Variants in CTBP2 observed in about 807,000 individuals in gnomAD.
CTBP2 encodes C-terminal binding protein 2.
A neutral mutation model predicts 80.3 loss-of-function variants in CTBP2; 30 were observed. The ratio of observed to expected loss-of-function variants is 0.37; its 90% CI spans 0.28 to 0.51. CTBP2 has a LOEUF of 0.51. CTBP2 is among the 20% of genes least tolerant of loss of function. The pLI, the probability that CTBP2 is intolerant of heterozygous loss-of-function variation, is 0.93. For synonymous variants in CTBP2, 594 were observed against 587.4 expected (o/e 1.01, Z -0.16); for missense variants, 1,212 against 1,375.3 (o/e 0.88, Z 1.88).
rs115668596 is a variant in CTBP2 at position 125,005,110 on chromosome 10, C to T, written c.1679-1618G>A. On this transcript the variant is annotated intron_variant, in intron 1 of 8. Coordinates refer to ENST00000309035, the MANE Select transcript of CTBP2 (RefSeq NM_022802.3). ...GACTGCATCCTGTTAAGACTATACA[C>T]GGTGCTGGGGAGGGACGGCCCAGAG... Among the ~76,000 whole-genome samples the T allele has an allele frequency of 8.7e-3, 1,329 of 152,338 alleles. 13 individuals are homozygous for T. Among genetic ancestry groups the T allele is most frequent in the East Asian group, 0.029 (148 of 5,182 alleles).
intron 1 of CTBP2, among the ~76,000 whole-genome samples, chr10:125,120,276 A>T (rs2136023163): frequency 6.6e-6 from 1 of 152,384 alleles, no homozygotes; most frequent in African/African-American, 2.4e-5. Context: ...GAGCAGGAAG[A>T]TGAGCAGGAA....
chr10:125,114,477 G>C (rs570526790), intron 1 of CTBP2, among the ~76,000 whole-genome samples: 1 of 152,102 alleles, frequency 6.6e-6, no homozygotes, highest in South Asian at 2.1e-4. Context: ...CCACATATAG[G>C]AAACTCACAA....
At chr10:125,129,998 A>G (rs2136118642) in intron 1 of CTBP2, among the ~76,000 whole-genome samples, 2 of 152,154 alleles carry the variant, frequency 1.3e-5, no homozygotes, top group Middle Eastern at 6.8e-3. Flanking sequence ...AGGGCTTGGA[A>G]GCAGGGCAAA....
At chr10:125,084,412 C>T (rs12761801) in intron 2 of CTBP2, among the ~76,000 whole-genome samples, 9,494 of 152,272 alleles carry the variant, frequency 0.062, 306 homozygotes, top group East Asian at 0.098. Flanking sequence ...AGGAATGTGA[C>T]TCAGAGGGAG....
At chr10:124,991,352 G>A (rs142305018) in intron 8 of CTBP2, among the ~76,000 whole-genome samples, 2 of 152,244 alleles carry the variant, frequency 1.3e-5, no homozygotes, top group African/African-American at 4.8e-5. Flanking sequence ...GTTCTAGGGG[G>A]CCTAAGAGCC....
upstream of CTBP2, among the ~76,000 whole-genome samples, chr10:125,162,067 A>G (rs1861931942): frequency 1.3e-5 from 2 of 152,118 alleles, no homozygotes; most frequent in South Asian, 4.1e-4. Context: ...GGCCCCCCAA[A>G]CTCTTCTCAC....
intron 2 of CTBP2, among the ~76,000 whole-genome samples, chr10:125,070,273 C>A (rs1177463622): frequency 1.3e-5 from 2 of 152,080 alleles, no homozygotes; most frequent in Non-Finnish European, 2.9e-5. Flanking sequence ...ATCCCTTGAA[C>A]TGGGGAGGCA....
intron 3 of CTBP2, among the ~76,000 whole-genome samples, chr10:125,036,599 A>G (rs1022430146): frequency 2.0e-5 from 3 of 152,198 alleles, no homozygotes; most frequent in Non-Finnish European, 4.4e-5. Flanking sequence ...GGCTCTCTGC[A>G]TATCAATACA....
intron 1 of CTBP2, among the ~76,000 whole-genome samples, chr10:125,022,590 G>A (rs1412812588): frequency 3.9e-5 from 6 of 152,242 alleles, no homozygotes; most frequent in African/African-American, 1.4e-4. Flanking sequence ...CCAGGGCAGT[G>A]GTCTGTGTCC....
At chr10:125,011,639 G>GA (rs1955921369) in intron 1 of CTBP2, among the ~76,000 whole-genome samples, 1 of 152,216 alleles carries the variant, frequency 6.6e-6, no homozygotes, top group Non-Finnish European at 1.5e-5. Flanking sequence ...TGCAACCCTA[G>GA]AAAGACAAGC....
chr10:125,035,603 C>T (rs925925597), intron 3 of CTBP2, among the ~76,000 whole-genome samples: 1 of 152,184 alleles, frequency 6.6e-6, no homozygotes, highest in African/African-American at 2.4e-5. Context: ...AAAAAGTTAC[C>T]ACCAACAACA....
At chr10:125,017,975 G>A (rs960633751) in intron 1 of CTBP2, among the ~76,000 whole-genome samples, 1 of 152,218 alleles carries the variant, frequency 6.6e-6, no homozygotes, top group Admixed American at 6.5e-5. Flanking sequence ...TCTTGCTCCA[G>A]AGCCCAGCCA....
rs769185217 is a variant in CTBP2 at position 125,027,438 on chromosome 10, G to A, written c.322C>T (p.Arg108Trp). 106 of 1,614,000 alleles carry A rather than the reference G, an allele frequency of 6.6e-5. No individual in the cohort carries two copies. In the South Asian group the frequency reaches 7.2e-4, roughly 11 times the overall value. The stretch of plus-strand genomic sequence containing the variant: ...CCAGACGGATCACTGTAGTACTCCC[G>A]TGGCAGCAGGGGGCTGCGACCAGAC... Residue 108 changes from arginine (R) to tryptophan (W), a missense_variant, in exon 1 of 9, where the codon CGG becomes TGG. Physicochemically the swap from Arg to Trp is moderately radical, Grantham distance 101. Transcript: ENST00000309035.
At chr10:125,068,161 G>C (rs919728566) in intron 2 of CTBP2, among the ~76,000 whole-genome samples, 3 of 152,162 alleles carry the variant, frequency 2.0e-5, no homozygotes, top group African/African-American at 7.2e-5. Flanking sequence ...GAGGATTTTG[G>C]GAAGCTTCAC....
chr10:125,003,377 G>C lies in CTBP2; in HGVS notation c.1794C>G (p.Ala598=). ...CCTGCGTCGACTGCGCGTCACAGAA[G>C]GCCACAGTGGCCAGGTCCTTCAGGA... is the stretch of plus-strand genomic sequence containing the variant. Residue 598 remains alanine, a synonymous_variant, in exon 2 of 9, where the codon GCC becomes GCG. Transcript: ENST00000309035. 6.2e-7 allele frequency: 1 copy of C among 1,609,234 alleles called. No homozygotes were observed. The highest frequency in any genetic ancestry group is 1.3e-5 in the African/African-American group (1 of 74,708).
chr10:124,998,129 T>A lies in CTBP2; in HGVS notation c.2020A>T (p.Thr674Ser). The A allele has an allele frequency of 6.2e-7, 1 of 1,611,754 alleles. No homozygotes were observed. Among genetic ancestry groups the A allele is most frequent in the Non-Finnish European group, 8.5e-7 (1 of 1,179,346 alleles). Reference sequence around the variant, plus strand: ...ATGTGGCAGATGGTAGAGTCCGCTGTCTCTTCCACGGCTGCAGACGGGATG... The same window carrying A: ...ATGTGGCAGATGGTAGAGTCCGCTGACTCTTCCACGGCTGCAGACGGGATG... Residue 674 changes from threonine (T) to serine (S), a missense_variant, in exon 4 of 9, where the codon ACA becomes TCA. Transcript: ENST00000309035.
chr10:125,062,911 C>T (rs1008115545), intron 2 of CTBP2, among the ~76,000 whole-genome samples: 1 of 152,236 alleles, frequency 6.6e-6, no homozygotes, highest in African/African-American at 2.4e-5. Context: ...CAAGGAACAA[C>T]ATCTGCTGTG....
At chr10:125,033,638 G>A (rs1160704503) in intron 3 of CTBP2, among the ~76,000 whole-genome samples, 1 of 152,134 alleles carries the variant, frequency 6.6e-6, no homozygotes, top group Admixed American at 6.5e-5. Flanking sequence ...GCTACCCTGG[G>A]GCCTCCTCCA....
intron 1 of CTBP2, among the ~76,000 whole-genome samples, chr10:125,113,844 G>A (rs1564949763): frequency 6.6e-6 from 1 of 152,152 alleles, no homozygotes. Context: ...CAAGCCGGGC[G>A]TTCAAGCAAC....
Sources: gnomAD v4.1 joint callset for allele counts (sites outside exome capture counted in the v4.1 genomes callset) on GRCh38, gnomAD v4.1.1 for gene constraint, MANE v1.5 for transcripts, NCBI Gene and HGNC (gene_info 2026-07-23, HGNC 2026-07-21) for gene names.